PREX1: variants seen among roughly 807,000 people sequenced by gnomAD.
PREX1 encodes the protein phosphatidylinositol-3,4,5-trisphosphate dependent Rac exchange factor 1, also known as phosphatidylinositol 3,4,5-trisphosphate-dependent Rac exchanger 1 protein.
PREX1 carries 41 observed loss-of-function variants against 198.3 expected under a neutral mutation model. The ratio of observed to expected loss-of-function variants is 0.21; its 90% CI spans 0.16 to 0.27. The LOEUF is 0.27. Ranked by LOEUF, PREX1 falls within the 10% of genes least tolerant of loss-of-function variation. PREX1 has a pLI of 1.00. For synonymous variants in PREX1, 843 were observed against 887.2 expected (o/e 0.95, Z 0.89); for missense variants, 1,620 against 2,200.7 (o/e 0.74, Z 5.28).
chr20:48,887,934 A>C, the PREX1 span, among the ~76,000 whole-genome samples: 1 of 152,132 alleles, frequency 6.6e-6, no homozygotes, highest in African/African-American at 2.4e-5. Context: ...TGGGCGACAG[A>C]GTGAGATTCC....
At chr20:48,657,787 T>C (rs1333641435) in intron 17 of PREX1, among the ~76,000 whole-genome samples, 2 of 152,110 alleles carry the variant, frequency 1.3e-5, no homozygotes, top group Non-Finnish European at 2.9e-5. Flanking sequence ...CCTATCCTCC[T>C]GTAGGCTTTG....
chr20:48,887,371 A>G, the PREX1 span, among the ~76,000 whole-genome samples: 426 of 151,416 alleles, frequency 2.8e-3, 4 homozygotes, highest in African/African-American at 9.7e-3. Context: ...CTCAGGAGTC[A>G]GAGACTGGTC....
intron 1 of PREX1, among the ~76,000 whole-genome samples, chr20:48,805,011 T>C (rs1334035069): frequency 6.6e-6 from 1 of 152,182 alleles, no homozygotes; most frequent in Non-Finnish European, 1.5e-5. Context: ...TGAGAAATGC[T>C]GGCAGGGCAT....
At chr20:48,682,819 T>C (rs1453541293) in intron 10 of PREX1, among the ~76,000 whole-genome samples, 1 of 152,188 alleles carries the variant, frequency 6.6e-6, no homozygotes, top group African/African-American at 2.4e-5. Flanking sequence ...AGGCAATCTG[T>C]GTTCAATGAA....
chr20:48,629,490 C>T lies in PREX1; in HGVS notation c.4725G>A (p.Leu1575=). The change falls in exon 37 of 40, where the codon CTG becomes CTA. Residue 1575 remains leucine (L), a synonymous_variant. Transcript: ENST00000371941. ...IPISSELCYR[L]GACQMVMCGT... ...CACACATGACCATCTGGCAGGCCCC[C>T]AGGCGGTAGCAGAGCTCCGAGGAGA... is the stretch of plus-strand genomic sequence containing the variant. 1.9e-6 allele frequency: 3 copies of T among 1,614,020 alleles called. No individual in the cohort carries two copies. Among genetic ancestry groups the T allele is most frequent in the Non-Finnish European group, 2.5e-6 (3 of 1,179,916 alleles).
intron 7 of PREX1, among the ~76,000 whole-genome samples, chr20:48,695,185 G>C (rs1443580932): frequency 6.6e-6 from 1 of 152,158 alleles, no homozygotes; most frequent in African/African-American, 2.4e-5. Context: ...CCCCTGACAA[G>C]GGTAACCACT....
chr20:48,632,468 T>G (rs1299679878), intron 34 of PREX1, 28 bp downstream of exon 34: 1 of 1,613,656 alleles, frequency 6.2e-7, no homozygotes. Flanking sequence ...GCCCCCGTGG[T>G]CCTCCCTGCC....
At chr20:48,814,702 C>T in intron 1 of PREX1, among the ~76,000 whole-genome samples, 1 of 152,158 alleles carries the variant, frequency 6.6e-6, no homozygotes, top group Non-Finnish European at 1.5e-5. Flanking sequence ...CCACCTCCAG[C>T]AGAGTGAGGA....
chr20:48,824,114 T>C (rs866737083), intron 1 of PREX1, among the ~76,000 whole-genome samples: 8 of 152,060 alleles, frequency 5.3e-5, no homozygotes, highest in Middle Eastern at 3.2e-3. Context: ...CTCGAAATGA[T>C]TCGAGCCAAG....
chr20:48,723,287 G>T (rs1161164084), intron 5 of PREX1, among the ~76,000 whole-genome samples: 1 of 152,226 alleles, frequency 6.6e-6, no homozygotes, highest in Non-Finnish European at 1.5e-5. Context: ...AAGCCAGAGG[G>T]GGTGGGCTGG....
At chr20:48,647,928 C>T (rs892061054) in intron 25 of PREX1, among the ~76,000 whole-genome samples, 1 of 152,146 alleles carries the variant, frequency 6.6e-6, no homozygotes. Context: ...TGTTTTGAGA[C>T]AGGGTCTCGT....
chr20:48,878,633 C>A, the PREX1 span, among the ~76,000 whole-genome samples: 4 of 152,136 alleles, frequency 2.6e-5, no homozygotes, highest in Non-Finnish European at 5.9e-5. Flanking sequence ...CCACCGCGCC[C>A]GGCCACATTC....
intron 38 of PREX1, 80 bp downstream of exon 38, chr20:48,627,781 C>T (rs1238252386): frequency 4.8e-6 from 7 of 1,446,906 alleles, no homozygotes; most frequent in Admixed American, 4.1e-5. Flanking sequence ...TGGCTACCAG[C>T]CCCTCATCCC....
At chr20:48,672,572 C>T (rs1568816733) in intron 14 of PREX1, among the ~76,000 whole-genome samples, 1 of 152,272 alleles carries the variant, frequency 6.6e-6, no homozygotes, top group East Asian at 1.9e-4. Context: ...GCATGGTGCG[C>T]CCACGCGGCT....
intron 27 of PREX1, among the ~76,000 whole-genome samples, chr20:48,644,123 G>A (rs945086078): frequency 2.6e-5 from 4 of 152,200 alleles, no homozygotes; most frequent in South Asian, 2.1e-4. Context: ...GAATTGAACC[G>A]TGCATGCTTC....
chr20:48,639,152 T>C (rs2089389044), intron 30 of PREX1, among the ~76,000 whole-genome samples: 1 of 151,728 alleles, frequency 6.6e-6, no homozygotes. Context: ...CCACAGGGAG[T>C]GGTGGAGACT....
the PREX1 span, among the ~76,000 whole-genome samples, chr20:48,866,142 T>C: frequency 6.6e-6 from 1 of 152,130 alleles, no homozygotes; most frequent in East Asian, 1.9e-4. Flanking sequence ...AGAGACAAGA[T>C]CTTCTCCTTG....
At chr20:48,856,054 T>C in the PREX1 span, among the ~76,000 whole-genome samples, 2 of 152,168 alleles carry the variant, frequency 1.3e-5, no homozygotes, top group East Asian at 3.9e-4. Flanking sequence ...CTTGGAAACA[T>C]GACAGAGGAG....
chr20:48,750,474 C>A (rs2090129265), intron 1 of PREX1, among the ~76,000 whole-genome samples: 1 of 152,176 alleles, frequency 6.6e-6, no homozygotes, highest in South Asian at 2.1e-4. Flanking sequence ...TCTCATCTTC[C>A]AGTACTTCAT....
Sources: allele counts gnomAD v4.1 joint callset (sites outside exome capture counted in the v4.1 genomes callset), GRCh38; gene constraint gnomAD v4.1.1; transcripts MANE v1.5; gene names NCBI Gene and HGNC (gene_info 2026-07-23, HGNC 2026-07-21).